FDXR: variants seen among roughly 807,000 people sequenced by gnomAD.
FDXR encodes the protein NADPH:adrenodoxin oxidoreductase, mitochondrial.
FDXR carries 38 observed loss-of-function variants against 58.3 expected under a neutral mutation model. The observed-to-expected ratio is 0.65, with a 90% CI of 0.50 to 0.85. The LOEUF (loss-of-function observed/expected upper bound fraction) is 0.85. Among genes scored for constraint, FDXR ranks in the 40% least tolerant of loss-of-function variants. FDXR has a pLI of 0.00. For missense variants in FDXR, 624 were observed against 671.0 expected (o/e 0.93, Z 0.77); for synonymous variants, 275 against 273.8 (o/e 1.00, Z -0.04).
chr17:74,868,783 C>T (rs2038279319), intron 2 of FDXR: 12 of 1,465,200 alleles, frequency 8.2e-6, no homozygotes, highest in Non-Finnish European at 1.1e-5. Context: ...CCCCTCCCTC[C>T]TCCCTGAGGA....
At chr17:74,870,037 G>A (rs1261396401) in intron 2 of FDXR, 1 of 435,120 alleles carries the variant, frequency 2.3e-6, no homozygotes, top group African/African-American at 2.0e-5. Flanking sequence ...TCAAGCTAAG[G>A]GCCACTGTCC....
chr17:74,865,053 C>A lies in FDXR; in HGVS notation c.610-122G>T, dbSNP rs950127560. The A allele has an allele frequency of 8.6e-6, 12 of 1,389,216 alleles. No homozygotes were observed. In the Admixed American group the frequency reaches 1.9e-4, roughly 22 times the overall value. The allele number at this position is 1,389,216 out of a possible 1,614,324, so 86.1% of individuals were successfully genotyped here. On this transcript the variant is annotated intron_variant, in intron 6 of 11. Transcript: ENST00000293195. ...GGCGGCTCAAAATTGCGCCACTGCTCCCCCCTGGTGGCCAGATGGAGCATT... is the reference window on the plus strand; with the variant it reads ...GGCGGCTCAAAATTGCGCCACTGCTACCCCCTGGTGGCCAGATGGAGCATT...
At chr17:74,871,840 CCT>C (rs1249746082) in intron 2 of FDXR, among the ~76,000 whole-genome samples, 194 bp downstream of exon 2, 1 of 152,160 alleles carries the variant, frequency 6.6e-6, no homozygotes, top group African/African-American at 2.4e-5. Context: ...GTTTTACACC[CCT>C]GTCACACTGA....
rs1362391464 is a variant in FDXR, at chr17:74,866,482, C to T, written c.357G>A (p.Val119=). 1 of 1,613,512 alleles carries T rather than the reference C, an allele frequency of 6.2e-7. No homozygotes were observed. The highest frequency in any genetic ancestry group is 8.5e-7 in the Non-Finnish European group (1 of 1,179,958). ...GNVEVGRDVT[V]PELQEAYHAV... ...CGTGGTAGGCCTCCTGCAGCTCCGG[C>T]ACCGTCACGTCCCTGCCCACCTCCA... The change falls in exon 4 of 12, where the codon GTG becomes GTA. Residue 119 remains valine (V), a synonymous_variant. Transcript: ENST00000293195.
rs775055053 is a variant in FDXR, at chr17:74,863,913, C to T, written c.1157G>A (p.Arg386Gln). 11 of 1,613,362 alleles carry T rather than the reference C, an allele frequency of 6.8e-6. No homozygotes were observed. In the Admixed American group the frequency reaches 1.0e-4, roughly 15 times the overall value. ...KLGVIPNVEGRVMDVPGLYCS... is the reference protein window; with the variant it reads ...KLGVIPNVEGQVMDVPGLYCS... ...CCTCTCACCTGGCACATCCATAACCCGGCCCTCCACATTGGGGATGACCCC... is the reference window on the plus strand; with the variant it reads ...CCTCTCACCTGGCACATCCATAACCTGGCCCTCCACATTGGGGATGACCCC... The change falls in exon 10 of 12, where the codon CGG (arginine) becomes CAG (glutamine). Residue 386 changes from arginine (R) to glutamine (Q), a missense_variant. Arg to Gln is a conservative substitution (Grantham distance 43). Coordinates refer to ENST00000293195, the MANE Select transcript of FDXR (RefSeq NM_024417.5).
At chr17:74,868,613 G>T (rs1314669407) in intron 2 of FDXR, 38 of 1,535,500 alleles carry the variant, frequency 2.5e-5, no homozygotes, top group Admixed American at 9.8e-5. Flanking sequence ...GTCCTCTCCA[G>T]GGCCACCTCC....
At chr17:74,863,749 G>A (rs1281469547) in intron 10 of FDXR, 147 bp downstream of exon 10, 15 of 975,170 alleles carry the variant, frequency 1.5e-5, no homozygotes, top group Non-Finnish European at 2.2e-5. Flanking sequence ...GGGCCAAGAG[G>A]AGGGCGGCAC....
Position 74,866,516 on chromosome 17 carries a change from C to A in FDXR, c.323G>T (p.Trp108Leu). ...QTAHSGRCAF[W>L]GNVEVGRDVT... The stretch of plus-strand genomic sequence containing the variant: ...GTCCCTGCCCACCTCCACGTTGCCC[C>A]AGAAGGCACAGCGGCCAGAATGGGC... The change falls in exon 4 of 12, where the codon TGG (tryptophan) becomes TTG (leucine). Residue 108 changes from tryptophan (W) to leucine (L), a missense_variant. By Grantham distance (61) the Trp-to-Leu change is moderately conservative (BLOSUM62 -2). Transcript: ENST00000293195. 1.2e-6 allele frequency: 2 copies of A among 1,613,816 alleles called. No homozygotes were observed.
chr17:74,866,192 G>C lies in FDXR; in HGVS notation c.446C>G (p.Pro149Arg). 6.2e-6 allele frequency: 10 copies of C among 1,613,988 alleles called. No homozygotes were observed. The highest frequency in any genetic ancestry group is 7.6e-6 in the Non-Finnish European group (9 of 1,179,992). Residue 149 changes from proline to arginine, a missense_variant, in exon 5 of 12, where the codon CCA becomes CGA. Physicochemically the swap from Pro to Arg is moderately radical, Grantham distance 103. Transcript: ENST00000293195. ...GAAGGCCCGGGCGGAGCACACACCT[G>C]GCAGCTCCTCACCAGGAATTTCCAG... ...RALEIPGEEL[P>R]GVCSARAFVG... is the part of the protein sequence containing the mutation.
chr17:74,863,851 G>A, intron 10 of FDXR, 45 bp downstream of exon 10: 2 of 1,579,294 alleles, frequency 1.3e-6, no homozygotes, highest in South Asian at 2.3e-5. Context: ...CAGCTTCTCG[G>A]CCTCTCACCA....
intron 7 of FDXR, 70 bp downstream of exon 7, chr17:74,864,754 C>G (rs1332086201): frequency 2.4e-5 from 39 of 1,599,962 alleles, no homozygotes; most frequent in Non-Finnish European, 3.3e-5. Context: ...GGGCTCTGCC[C>G]CACCCCAACC....
At position 74,866,869 on chromosome 17, in the gene FDXR, T is replaced by A; in HGVS notation, c.185A>T (p.Gln62Leu). The A allele has an allele frequency of 6.2e-7, 1 of 1,613,670 alleles. No homozygotes were observed. The highest frequency in any genetic ancestry group is 8.5e-7 in the Non-Finnish European group (1 of 1,179,874). ...TTTCTCGTAGATGTCCACGTGGGCC[T>A]GGGGGTGCTGCTGGGGAACAGGGTG... ...YTAQHLLKHP[Q>L]AHVDIYEKQP... The change falls in exon 3 of 12, where the codon CAG becomes CTG. Residue 62 changes from glutamine (Q) to leucine (L), a missense_variant. Gln to Leu is a moderately radical substitution (Grantham distance 113, BLOSUM62 -2). Transcript: ENST00000293195.
chr17:74,864,762 A>G (rs959959699), intron 7 of FDXR, 62 bp downstream of exon 7: 9 of 1,605,804 alleles, frequency 5.6e-6, no homozygotes, highest in Middle Eastern at 1.8e-4. Flanking sequence ...CCCCACCCCA[A>G]CCCCTTAAGG....
In FDXR at chr17:74,862,807, G is replaced by A. The variant is rs1449338782; in HGVS notation, c.*10C>T. On this transcript the variant is annotated 3_prime_UTR_variant, in exon 12 of 12. Coordinates refer to ENST00000293195, the MANE Select transcript of FDXR (RefSeq NM_024417.5). ...CCCTTCCCTGCTGGGGGCCGGGGCT[G>A]GGGCTGGGCTCAGTGGCCCAGGAGG... The A allele has an allele frequency of 6.2e-7, 1 of 1,604,612 alleles. No individual in the cohort carries two copies. The highest frequency in any genetic ancestry group is 1.1e-5 in the South Asian group (1 of 90,832).
intron 6 of FDXR, among the ~76,000 whole-genome samples, chr17:74,865,400 G>C (rs993149851): frequency 3.3e-5 from 5 of 152,144 alleles, no homozygotes; most frequent in Admixed American, 2.6e-4. Context: ...TGGAGGAAGG[G>C]ACAACCGAGC....
Position 74,862,746 on chromosome 17 carries a change from TCAGA to T in FDXR, c.*67_*70del. 1 of 1,530,926 alleles carries T rather than the reference TCAGA, an allele frequency of 6.5e-7. No individual in the cohort carries two copies. Among genetic ancestry groups the T allele is most frequent in the Non-Finnish European group, 8.8e-7 (1 of 1,141,962 alleles). The allele number at this position is 1,530,926 out of a possible 1,614,324, so 94.8% of individuals were successfully genotyped here. A position where few individuals can be genotyped will look rare whatever the true frequency, so the allele number is the denominator to read the frequency against. ...GATCAGCAGAGGTGCAAAGTCCCAC[TCAGA>T]CGGACCCAGCCCTTCCCCTCCCAAC... On this transcript the variant is annotated 3_prime_UTR_variant, in exon 12 of 12. Transcript: ENST00000293195.
intron 2 of FDXR, among the ~76,000 whole-genome samples, chr17:74,870,799 T>C (rs1054501800): frequency 4.8e-5 from 6 of 124,192 alleles, no homozygotes; most frequent in Non-Finnish European, 7.8e-5. Flanking sequence ...CTGTCTCTCT[T>C]TTTTTTTTTT....
intron 2 of FDXR, chr17:74,868,650 T>C: frequency 6.5e-7 from 1 of 1,535,652 alleles, no homozygotes; most frequent in Non-Finnish European, 8.7e-7. Context: ...CGGATGTTCT[T>C]ACCCCTTATC....
intron 3 of FDXR, 80 bp downstream of exon 3, chr17:74,866,704 A>ATCCAGCCAGGGAGCCTCCCTGCCC (rs1208972183): frequency 6.3e-7 from 1 of 1,586,494 alleles, no homozygotes; most frequent in Non-Finnish European, 8.6e-7. Flanking sequence ...AAGTCCTGTC[A>ATCCAGCCAGGGAGCCTCCCTGCCC]TCCAGCCAGG....
Sources: gnomAD v4.1 joint callset for allele counts (sites outside exome capture counted in the v4.1 genomes callset) on GRCh38, gnomAD v4.1.1 for gene constraint, MANE v1.5 for transcripts, NCBI Gene and HGNC (gene_info 2026-07-23, HGNC 2026-07-21) for gene names.